The following ZNF469 variants were observed in gnomAD, a reference collection of about 807,000 sequenced individuals.
ZNF469 encodes zinc finger protein 469.
ZNF469 carries 1 observed loss-of-function variant against 1.0 expected under a neutral mutation model. The observed-to-expected ratio is 1.00, with a 90% CI of 0.35 to 4.73. ZNF469 has a LOEUF of 4.73. Ranked by LOEUF, ZNF469 falls within the 30% of genes most tolerant of loss-of-function variation. The pLI, the probability that ZNF469 is intolerant of heterozygous loss-of-function variation, is 0.16. For missense variants in ZNF469, 6,100 were observed against 5,356.3 expected (o/e 1.14, Z -4.33); for synonymous variants, 2,703 against 2,363.4 (o/e 1.14, Z -4.17).
the ZNF469 span, among the ~76,000 whole-genome samples, chr16:88,105,212 G>C: frequency 6.6e-6 from 1 of 151,932 alleles, no homozygotes; most frequent in African/African-American, 2.4e-5. Context: ...AACACAGTGA[G>C]ACCCTGTCAC....
chr16:88,307,376 C>T, the ZNF469 span, among the ~76,000 whole-genome samples: 2 of 152,178 alleles, frequency 1.3e-5, no homozygotes, highest in East Asian at 1.9e-4. Flanking sequence ...CATTGCTGGT[C>T]GTACAGTCAC....
chr16:88,192,315 G>A, the ZNF469 span: 1 of 152,134 alleles, frequency 6.6e-6, no homozygotes, highest in African/African-American at 2.4e-5. Context: ...CCTTTCCTTG[G>A]CACTCACCAG....
At chr16:88,277,043 A>G in the ZNF469 span, among the ~76,000 whole-genome samples, 1 of 151,438 alleles carries the variant, frequency 6.6e-6, no homozygotes, top group Non-Finnish European at 1.5e-5. Context: ...TACCATGTAT[A>G]TATCATTAGT....
chr16:88,198,067 C>T, the ZNF469 span, among the ~76,000 whole-genome samples: 2 of 152,374 alleles, frequency 1.3e-5, no homozygotes, highest in East Asian at 3.9e-4. Flanking sequence ...ACACCCATCA[C>T]AGCTACAGAA....
chr16:88,381,186 TCA>T (rs2092523288), upstream of ZNF469, among the ~76,000 whole-genome samples: 1 of 69,550 alleles, frequency 1.4e-5, no homozygotes, highest in Admixed American at 1.6e-4. Flanking sequence ...AGACATGCAC[TCA>T]CACACATGCA....
At chr16:88,225,548 G>A in the ZNF469 span, among the ~76,000 whole-genome samples, 1 of 152,142 alleles carries the variant, frequency 6.6e-6, no homozygotes, top group African/African-American at 2.4e-5. Context: ...TGCAAAGGGG[G>A]TGAAGGAGGA....
the ZNF469 span, among the ~76,000 whole-genome samples, chr16:88,139,836 G>A: frequency 6.6e-6 from 1 of 152,218 alleles, no homozygotes; most frequent in Non-Finnish European, 1.5e-5. Context: ...GGTTAGCACA[G>A]CACAGAATCC....
the ZNF469 span, among the ~76,000 whole-genome samples, chr16:88,346,429 G>A: frequency 6.5e-4 from 99 of 152,346 alleles, no homozygotes; most frequent in African/African-American, 2.2e-3. Flanking sequence ...CCCAGCCCTG[G>A]CCTGGACCTG....
the ZNF469 span, among the ~76,000 whole-genome samples, chr16:88,346,249 G>C: frequency 3.3e-5 from 5 of 152,232 alleles, no homozygotes; most frequent in Non-Finnish European, 5.9e-5. Flanking sequence ...CTGGGTGAGG[G>C]AGAAGCATGG....
chr16:88,170,204 G>C, the ZNF469 span, among the ~76,000 whole-genome samples: 35 of 152,202 alleles, frequency 2.3e-4, no homozygotes, highest in African/African-American at 7.7e-4. This position sits in a 1 kb window ranked among gnomAD's most constrained non-coding sequence, Gnocchi z 4.2. Flanking sequence ...CATGTAATGT[G>C]AAGCTTTGAT....
intron 1 of ZNF469, among the ~76,000 whole-genome samples, chr16:88,413,775 C>T (rs1278838906): frequency 6.6e-6 from 1 of 152,082 alleles, no homozygotes; most frequent in Non-Finnish European, 1.5e-5. Context: ...TCCTGGGCTC[C>T]GCGCCTCAGG....
the ZNF469 span, chr16:88,101,122 G>A: frequency 6.3e-6 from 1 of 159,404 alleles, no homozygotes; most frequent in Non-Finnish European, 1.4e-5. Context: ...GAGGTCAGAA[G>A]TGAAGTGTTT....
the ZNF469 span, among the ~76,000 whole-genome samples, chr16:88,193,391 G>T: frequency 6.6e-6 from 1 of 152,036 alleles, no homozygotes; most frequent in Non-Finnish European, 1.5e-5. Flanking sequence ...CATCTGGGTT[G>T]CTTTAACAAA....
At chr16:88,130,734 C>G in the ZNF469 span, among the ~76,000 whole-genome samples, 1 of 151,420 alleles carries the variant, frequency 6.6e-6, no homozygotes, top group Non-Finnish European at 1.5e-5. Context: ...AAAAGAGGCA[C>G]CTAATAAAAA....
At chr16:88,338,848 C>T in the ZNF469 span, among the ~76,000 whole-genome samples, 1 of 152,184 alleles carries the variant, frequency 6.6e-6, no homozygotes. Flanking sequence ...CAGGGAGGGG[C>T]AGCAGGGACC....
the ZNF469 span, among the ~76,000 whole-genome samples, chr16:88,305,766 GCA>G: frequency 1.3e-5 from 2 of 152,032 alleles, no homozygotes; most frequent in Non-Finnish European, 2.9e-5. Context: ...ACACACATAT[GCA>G]CACTCATAAA....
At chr16:88,165,867 G>A in the ZNF469 span, among the ~76,000 whole-genome samples, 27 of 152,276 alleles carry the variant, frequency 1.8e-4, no homozygotes, top group South Asian at 3.3e-3. Context: ...GGGATCCTGC[G>A]GCATTTGTCT....
the ZNF469 span, among the ~76,000 whole-genome samples, chr16:88,284,156 G>A: frequency 2.0e-5 from 3 of 151,832 alleles, no homozygotes; most frequent in Non-Finnish European, 2.9e-5. Flanking sequence ...CCCGAGGTCT[G>A]CGGAGGCTGG....
At chr16:88,210,313 A>T in the ZNF469 span, among the ~76,000 whole-genome samples, 1 of 151,794 alleles carries the variant, frequency 6.6e-6, no homozygotes, top group Non-Finnish European at 1.5e-5. Context: ...GATGTATGTT[A>T]TAAATATTTC....
Sources: gnomAD v4.1 joint callset for allele counts (sites outside exome capture counted in the v4.1 genomes callset) on GRCh38, gnomAD v4.1.1 for gene constraint, Gnocchi (gnomAD v3.1) non-coding constraint, MANE v1.5 for transcripts, NCBI Gene and HGNC (gene_info 2026-07-23, HGNC 2026-07-21) for gene names.